Variants in FCSK observed in about 807,000 individuals in gnomAD.
The protein encoded by FCSK is L-fucose kinase.
In FCSK, 123 loss-of-function variants were observed where a neutral mutation model predicts 122.5. The ratio of observed to expected loss-of-function variants is 1.00; its 90% CI spans 0.87 to 1.17. The LOEUF (loss-of-function observed/expected upper bound fraction) is 1.17. Ranked by LOEUF, FCSK falls within the 50% of genes most tolerant of loss-of-function variation. FCSK has a pLI of 0.00. For synonymous variants in FCSK, 620 were observed against 625.5 expected (o/e 0.99, Z 0.13); for missense variants, 1,366 against 1,450.4 (o/e 0.94, Z 0.95).
At chr16:70,472,685 G>A in intron 14 of FCSK, 80 bp downstream of exon 14, 1 of 1,186,812 alleles carries the variant, frequency 8.4e-7, no homozygotes, top group East Asian at 2.5e-5. Flanking sequence ...TCCCTCCCCT[G>A]CCCCAGAGCA....
In FCSK at chr16:70,473,324, C is replaced by T. The variant is rs2048694391; in HGVS notation, c.1748C>T (p.Pro583Leu). 1 of 1,513,622 alleles carries T rather than the reference C, an allele frequency of 6.6e-7. No individual in the cohort carries two copies. The highest frequency in any genetic ancestry group is 8.9e-7 in the Non-Finnish European group (1 of 1,127,926). 93.8% of individuals were successfully genotyped at this position (1,513,622 alleles called of 1,614,324 possible). A position where few individuals can be genotyped will look rare whatever the true frequency, so the allele number is the denominator to read the frequency against. The change falls in exon 15 of 24, where the codon CCC becomes CTC. Residue 583 changes from proline (P) to leucine (L), a missense_variant. Coordinates refer to ENST00000288078, the MANE Select transcript of FCSK (RefSeq NM_145059.3). This position sits in a 1 kb window ranked among gnomAD's most constrained non-coding sequence, Gnocchi z 4.9. ...LIWAAVREGCPGPLLATLDQV... is the reference protein window; with the variant it reads ...LIWAAVREGCLGPLLATLDQV... Reference sequence around the variant, plus strand: ...TGGGCTGCTGTCCGCGAGGGCTGCCCCGGGCCCCTGCTGGCCACGCTGGAC... The same window carrying T: ...TGGGCTGCTGTCCGCGAGGGCTGCCTCGGGCCCCTGCTGGCCACGCTGGAC...
intron 19 of FCSK, 30 bp downstream of exon 19, chr16:70,475,523 C>A: frequency 6.3e-7 from 1 of 1,599,808 alleles, no homozygotes; most frequent in Non-Finnish European, 8.5e-7. Context: ...TGCTACCCAC[C>A]GACTGTTACA....
Position 70,479,849 on chromosome 16 carries a change from C to A in FCSK, c.*169C>A, listed in dbSNP as rs1491000106. 8 of 580,280 alleles carry A rather than the reference C, an allele frequency of 1.4e-5. No individual in the cohort carries two copies. In the East Asian group the frequency reaches 2.3e-4, roughly 17 times the overall value. 35.9% of individuals were successfully genotyped at this position (580,280 alleles called of 1,614,324 possible). ...CAAGCAGAGAGTGCCTGGGACAGGA[C>A]TGTGACCTGGTGGACAGGGGCCTAG... On this transcript the variant is annotated 3_prime_UTR_variant, in exon 24 of 24. Coordinates refer to ENST00000288078, the MANE Select transcript of FCSK (RefSeq NM_145059.3).
intron 20 of FCSK, 190 bp from the exon 21 acceptor site, chr16:70,478,082 C>A: frequency 1.6e-6 from 1 of 606,192 alleles, no homozygotes; most frequent in Non-Finnish European, 2.9e-6. Flanking sequence ...AAGCTTTGCC[C>A]TAGAGTGAAG....
intron 14 of FCSK, 136 bp from the exon 15 acceptor site, chr16:70,472,847 C>T: frequency 8.8e-7 from 1 of 1,140,258 alleles, no homozygotes; most frequent in East Asian, 2.6e-5. Context: ...CAGCCTGGCC[C>T]CCGACCTGAA....
At chr16:70,456,737 A>G (rs1268497661) in intron 1 of FCSK, among the ~76,000 whole-genome samples, 1 of 152,084 alleles carries the variant, frequency 6.6e-6, no homozygotes, top group Non-Finnish European at 1.5e-5. Context: ...AGGTTAAGTA[A>G]CTGCTGGGCA....
At chr16:70,461,664 A>G (rs577759424) in intron 1 of FCSK, among the ~76,000 whole-genome samples, 1 of 150,668 alleles carries the variant, frequency 6.6e-6, no homozygotes, top group Admixed American at 6.6e-5. Flanking sequence ...TCTCCGGGGA[A>G]CCCCCATCAG....
chr16:70,473,311 C>T lies in FCSK; in HGVS notation c.1735C>T (p.Arg579Cys), dbSNP rs201801842. 1,751 of 1,519,738 alleles carry T rather than the reference C, an allele frequency of 1.2e-3. 4 individuals are homozygous for T. The highest frequency in any genetic ancestry group is 6.1e-3 in the Middle Eastern group (26 of 4,296). 94.1% of individuals were successfully genotyped at this position (1,519,738 alleles called of 1,614,324 possible). A position where few individuals can be genotyped will look rare whatever the true frequency, so the allele number is the denominator to read the frequency against. ...GCGCCCGCTGATCTGGGCTGCTGTC[C>T]GCGAGGGCTGCCCCGGGCCCCTGCT... ...SLRPLIWAAVREGCPGPLLAT... is the reference protein window; with the variant it reads ...SLRPLIWAAVCEGCPGPLLAT... Residue 579 changes from arginine to cysteine, a missense_variant, in exon 15 of 24, where the codon CGC (arginine) becomes TGC (cysteine). Physicochemically the swap from Arg to Cys is radical, Grantham distance 180. Coordinates refer to ENST00000288078, the MANE Select transcript of FCSK (RefSeq NM_145059.3). This position sits in a 1 kb window ranked among gnomAD's most constrained non-coding sequence, Gnocchi z 4.9.
intron 3 of FCSK, chr16:70,464,921 G>A: frequency 3.9e-6 from 4 of 1,013,540 alleles, no homozygotes; most frequent in Non-Finnish European, 5.7e-6. Context: ...GCAAGAAGGT[G>A]GCCCAGGTGG....
intron 1 of FCSK, chr16:70,462,028 C>G (rs550693035): frequency 6.6e-6 from 1 of 152,352 alleles, no homozygotes; most frequent in African/African-American, 2.4e-5. Context: ...CGAGGGATCA[C>G]TGCTCCTCCG....
intron 14 of FCSK, 71 bp downstream of exon 14, chr16:70,472,676 C>T (rs931783572): frequency 8.1e-6 from 10 of 1,237,208 alleles, no homozygotes; most frequent in Non-Finnish European, 1.2e-5. Flanking sequence ...TGAGGTGTGT[C>T]CCTCCCCTGC....
rs908949591 is a variant in FCSK, at chr16:70,468,762, G to T, written c.664-87G>T. On this transcript the variant is annotated intron_variant, in intron 8 of 23. Coordinates refer to ENST00000288078, the MANE Select transcript of FCSK (RefSeq NM_145059.3). ...TGCCTGGTATGGCACTCAGCTTCAT[G>T]TGGCCCATCTGCATGTGCCCTCCCT... 3.9e-6 allele frequency: 6 copies of T among 1,528,732 alleles called. No individual in the cohort carries two copies. The South Asian group carries it at 6.9e-5, about 18-fold the overall frequency. 94.7% of individuals were successfully genotyped at this position (1,528,732 alleles called of 1,614,324 possible). A position where few individuals can be genotyped will look rare whatever the true frequency, so the allele number is the denominator to read the frequency against.
chr16:70,467,283 C>G, intron 6 of FCSK, 91 bp from the exon 7 acceptor site: 1 of 835,070 alleles, frequency 1.2e-6, no homozygotes. Context: ...TGCCCAGGTG[C>G]CGCAGCCCTG....
rs753529353 is a variant in FCSK at position 70,471,136 on chromosome 16, T to C, written c.1171-46T>C. 20 of 1,588,698 alleles carry C rather than the reference T, an allele frequency of 1.3e-5. 1 individual carries two copies. The Middle Eastern group carries it at 6.7e-4, about 53-fold the overall frequency. On this transcript the variant is annotated intron_variant, in intron 12 of 23. Coordinates refer to ENST00000288078, the MANE Select transcript of FCSK (RefSeq NM_145059.3). ...CTGGCATCCCGCATGTGTTGGGGGG[T>C]GTTGGGTGCCTGCCCACCCAGGATG...
chr16:70,464,684 A>C (rs1247742137), intron 3 of FCSK, among the ~76,000 whole-genome samples: 1 of 142,904 alleles, frequency 7.0e-6, no homozygotes, highest in African/African-American at 2.7e-5. Context: ...TGGGCAACAG[A>C]GCGAGACTGC....
chr16:70,475,293 G>T, intron 18 of FCSK, 57 bp from the exon 19 acceptor site: 1 of 1,592,440 alleles, frequency 6.3e-7, no homozygotes, highest in Non-Finnish European at 8.5e-7. Context: ...AGGGTGGGTG[G>T]GTGCCTGCGT....
chr16:70,474,721 G>T (rs2048743683), intron 17 of FCSK, 27 bp downstream of exon 17: 1 of 1,576,208 alleles, frequency 6.3e-7, no homozygotes. Flanking sequence ...AGGTGGGGTT[G>T]AGGGTAGCTG....
chr16:70,471,323 A>C lies in FCSK; in HGVS notation c.1312A>C (p.Thr438Pro). The C allele has an allele frequency of 6.3e-7, 1 of 1,595,768 alleles. No homozygotes were observed. Among genetic ancestry groups the C allele is most frequent in the Non-Finnish European group, 8.5e-7 (1 of 1,170,648 alleles). ...RLHGSPGHAF[T>P]LVGRLDSWER... ...ACACGGCTCCCCGGGCCACGCCTTC[A>C]CCCTCGTTGGCCGTCTGGACAGCTG... Residue 438 changes from threonine to proline, a missense_variant, in exon 13 of 24, where the codon ACC (threonine) becomes CCC (proline). Thr to Pro is a conservative substitution (Grantham distance 38). Transcript: ENST00000288078.
rs760997667 is a variant in FCSK, at chr16:70,466,865, T to A, written c.412-17T>A. 8 of 1,610,396 alleles carry A rather than the reference T, an allele frequency of 5.0e-6. No homozygotes were observed. Among genetic ancestry groups the A allele is most frequent in the Non-Finnish European group, 6.8e-6 (8 of 1,178,172 alleles). ...TGGGCCAGGCACCAGCTGTGTTCTG[T>A]CTCCTTCCCCCCACAGCTGGGCCCG... On this transcript the variant is annotated splice_polypyrimidine_tract_variant and intron_variant, in intron 5 of 23. Coordinates refer to ENST00000288078, the MANE Select transcript of FCSK (RefSeq NM_145059.3).
Sources: gnomAD v4.1 joint callset for allele counts (sites outside exome capture counted in the v4.1 genomes callset) on GRCh38, gnomAD v4.1.1 for gene constraint, Gnocchi (gnomAD v3.1) non-coding constraint, MANE v1.5 for transcripts, NCBI Gene and HGNC (gene_info 2026-07-23, HGNC 2026-07-21) for gene names.